Variants in NLRC4 observed in about 807,000 individuals in gnomAD.
NLRC4 encodes the protein NLR family CARD domain-containing protein 4.
NLRC4 carries 63 observed loss-of-function variants against 79.9 expected under a neutral mutation model. That is an observed-to-expected ratio of 0.79 (90% CI 0.64 to 0.97). The LOEUF is 0.97. Among genes scored for constraint, NLRC4 ranks in the 50% least tolerant of loss-of-function variants. The pLI is 0.00. For missense variants in NLRC4, 1,074 were observed against 1,215.2 expected, an observed-to-expected ratio of 0.88 and a Z score of 1.73; for synonymous variants, 461 against 456.5, an observed-to-expected ratio of 1.01 and a Z score of -0.12.
chr2:32,229,275 C>T (rs1282568639), intron 8 of NLRC4, among the ~76,000 whole-genome samples: 2 of 151,710 alleles, frequency 1.3e-5, no homozygotes, highest in Admixed American at 6.6e-5. Flanking sequence ...ACTAAAAATA[C>T]AAAAATTAGC....
At chr2:32,261,519 C>T (rs1203055610) in intron 1 of NLRC4, among the ~76,000 whole-genome samples, 1 of 148,098 alleles carries the variant, frequency 6.8e-6, no homozygotes, top group East Asian at 2.2e-4. Flanking sequence ...ACCATGTTGG[C>T]CAGGATGGTC....
At position 32,238,348 on chromosome 2, in the gene NLRC4, G is replaced by A. The variant is rs377598604; in HGVS notation, c.2351-46C>T. ...ATGCATTAGGATACCAAGTTAATTC[G>A]ATTTAAGCATAGATTAATGAACTGA... On this transcript the variant is annotated intron_variant, in intron 5 of 8. Transcript: ENST00000402280. The A allele has an allele frequency of 1.6e-5, 24 of 1,482,298 alleles. No homozygotes were observed. The African/African-American group carries it at 1.8e-4, about 11-fold the overall frequency. 91.8% of individuals were successfully genotyped at this position (1,482,298 alleles called of 1,614,324 possible).
At chr2:32,248,765 C>T (rs894783777) in intron 4 of NLRC4, among the ~76,000 whole-genome samples, 2 of 148,360 alleles carry the variant, frequency 1.3e-5, no homozygotes, top group Admixed American at 6.7e-5. Context: ...GACCCAACCT[C>T]GAAAAAAAAA....
intron 1 of NLRC4, among the ~76,000 whole-genome samples, chr2:32,261,816 C>T (rs1687357388): frequency 6.6e-6 from 1 of 152,018 alleles, no homozygotes; most frequent in Non-Finnish European, 1.5e-5. Context: ...GGCGCGGTGG[C>T]TCACGCCTGT....
chr2:32,246,703 G>A (rs1289050212), intron 4 of NLRC4, among the ~76,000 whole-genome samples: 4 of 152,208 alleles, frequency 2.6e-5, no homozygotes, highest in African/African-American at 7.2e-5. Context: ...GATTGCCCTC[G>A]CATATCTGTG....
intron 8 of NLRC4, among the ~76,000 whole-genome samples, chr2:32,231,106 A>G (rs745641008): frequency 3.3e-5 from 5 of 152,078 alleles, no homozygotes; most frequent in Admixed American, 1.3e-4. Context: ...ATTCTTGCCC[A>G]TTTTACAAAT....
intron 7 of NLRC4, 42 bp from the exon 8 acceptor site, chr2:32,235,610 A>G (rs1488063127): frequency 2.6e-6 from 4 of 1,553,824 alleles, no homozygotes; most frequent in Non-Finnish European, 3.5e-6. Context: ...GATGGTCTCA[A>G]AACTGAGGAA....
Position 32,249,810 on chromosome 2 carries a change from C to T in NLRC4, c.2054G>A (p.Ser685Asn), listed in dbSNP as rs1687023625. ...QDIRYLGKIFSSATSLRLQIK... is the reference protein window; with the variant it reads ...QDIRYLGKIFNSATSLRLQIK... Reference sequence around the variant, plus strand: ...TTGCAGCCTGAGGCTTGTGGCAGAGCTGAATATTTTCCCCAGATATCTGAT... The same window carrying T: ...TTGCAGCCTGAGGCTTGTGGCAGAGTTGAATATTTTCCCCAGATATCTGAT... Residue 685 changes from serine to asparagine, a missense_variant, in exon 4 of 9, where the codon AGC (serine) becomes AAC (asparagine). Transcript: ENST00000402280. 1 of 1,614,200 alleles carries T rather than the reference C, an allele frequency of 6.2e-7. No homozygotes were observed. The highest frequency in any genetic ancestry group is 2.2e-5 in the East Asian group (1 of 44,882).
chr2:32,244,405 C>G (rs1686881611), intron 4 of NLRC4, among the ~76,000 whole-genome samples: 1 of 151,910 alleles, frequency 6.6e-6, no homozygotes, highest in African/African-American at 2.4e-5. Flanking sequence ...ATAAAAGACA[C>G]CTACAAGAAA....
At chr2:32,248,873 T>A (rs1687000578) in intron 4 of NLRC4, among the ~76,000 whole-genome samples, 1 of 152,232 alleles carries the variant, frequency 6.6e-6, no homozygotes, top group Non-Finnish European at 1.5e-5. Context: ...ATATTGATAG[T>A]TGTGAATATT....
chr2:32,248,848 G>A lies in NLRC4; in HGVS notation c.2257+759C>T, dbSNP rs544122196. On this transcript the variant is annotated intron_variant, in intron 4 of 8. Coordinates refer to ENST00000402280, the MANE Select transcript of NLRC4 (RefSeq NM_001199138.2). ...TTCTTTGGTAGCTAAACAAGCATTG[G>A]TCTCAAGATAAGCAATATTGATAGT... Among the ~76,000 whole-genome samples, 10 of 152,238 alleles carry A rather than the reference G, an allele frequency of 6.6e-5. No individual in the cohort carries two copies. In the East Asian group the frequency reaches 1.9e-3, roughly 29 times the overall value.
chr2:32,224,980 G>A (rs576250675), intron 8 of NLRC4, among the ~76,000 whole-genome samples: 9 of 152,062 alleles, frequency 5.9e-5, no homozygotes, highest in Non-Finnish European at 8.8e-5. Context: ...GAGTATAAGG[G>A]AATCTGATAA....
At chr2:32,260,966 G>A (rs1687328389) in intron 1 of NLRC4, among the ~76,000 whole-genome samples, 1 of 152,076 alleles carries the variant, frequency 6.6e-6, no homozygotes, top group Admixed American at 6.5e-5. Context: ...GCTGAGGCAG[G>A]CGGATCACAA....
intron 4 of NLRC4, 83 bp downstream of exon 4, chr2:32,249,524 A>T: frequency 8.4e-5 from 84 of 998,914 alleles, no homozygotes; most frequent in Middle Eastern, 2.3e-4. Flanking sequence ...GAAGAAATAA[A>T]GTCTCCTCTC....
chr2:32,249,897 T>G lies in NLRC4; in HGVS notation c.1967A>C (p.Lys656Thr), dbSNP rs939536265. 1.9e-6 allele frequency: 3 copies of G among 1,614,096 alleles called. No individual in the cohort carries two copies. In the African/African-American group the frequency reaches 4.0e-5, roughly 22 times the overall value. The change falls in exon 4 of 9, where the codon AAG becomes ACG. Residue 656 changes from lysine to threonine, a missense_variant. Coordinates refer to ENST00000402280, the MANE Select transcript of NLRC4 (RefSeq NM_001199138.2). ...SRAVSLFFNW[K>T]QEFRTLEVTL... ...GACCTCCAGAGTCCTGAATTCCTGC[T>G]TCCAGTTGAAGAACAAAGATACAGC... is the stretch of plus-strand genomic sequence containing the variant.
At chr2:32,242,861 A>G (rs1686837005) in intron 4 of NLRC4, among the ~76,000 whole-genome samples, 1 of 152,172 alleles carries the variant, frequency 6.6e-6, no homozygotes, top group African/African-American at 2.4e-5. Flanking sequence ...AGCCTGGGCA[A>G]TATATCCAGA....
intron 2 of NLRC4, among the ~76,000 whole-genome samples, chr2:32,256,108 T>G (rs1687202970): frequency 6.6e-6 from 1 of 152,192 alleles, no homozygotes; most frequent in Non-Finnish European, 1.5e-5. Flanking sequence ...ACCATCATAC[T>G]CCTTCCTTAT....
chr2:32,246,708 T>G (rs761920670), intron 4 of NLRC4, among the ~76,000 whole-genome samples: 1 of 152,252 alleles, frequency 6.6e-6, no homozygotes, highest in Non-Finnish European at 1.5e-5. Flanking sequence ...CCCTCGCATA[T>G]CTGTGTCTGA....
At chr2:32,256,671 A>G (rs1387119205) in intron 2 of NLRC4, 104 bp downstream of exon 2, 4 of 744,874 alleles carry the variant, frequency 5.4e-6, no homozygotes, top group Non-Finnish European at 7.5e-6. Flanking sequence ...GTAATTCCAC[A>G]TATGACTGGT....
Sources: allele counts gnomAD v4.1 joint callset (sites outside exome capture counted in the v4.1 genomes callset), GRCh38; gene constraint gnomAD v4.1.1; transcripts MANE v1.5; gene names NCBI Gene and HGNC (gene_info 2026-07-23, HGNC 2026-07-21).